HDAC9: variants seen among roughly 807,000 people sequenced by gnomAD.
The protein encoded by HDAC9 is histone deacetylase 9, also known as MEF-2 interacting transcription repressor (MITR) protein.
A neutral mutation model predicts 139.4 loss-of-function variants in HDAC9; 41 were observed. The observed-to-expected ratio is 0.29, with a 90% confidence interval of 0.23 to 0.38. The LOEUF (loss-of-function observed/expected upper bound fraction) is 0.38. Ranked by LOEUF, HDAC9 falls within the 10% of genes least tolerant of loss-of-function variation. The pLI, the probability that HDAC9 is intolerant of heterozygous loss-of-function variation, is 1.00. For missense variants in HDAC9, 1,147 were observed against 1,297.0 expected (o/e 0.88, Z 1.78); for synonymous variants, 517 against 476.2 (o/e 1.09, Z -1.12).
chr7:18,464,784 A>G (rs1252157992), intron 1 of HDAC9, among the ~76,000 whole-genome samples: 3 of 152,014 alleles, frequency 2.0e-5, no homozygotes, highest in East Asian at 1.9e-4. Context: ...TCTCAATCCT[A>G]CATAGAGTGT....
At chr7:18,993,872 A>T (rs76520183) in intron 25 of HDAC9, among the ~76,000 whole-genome samples, 1 of 151,640 alleles carries the variant, frequency 6.6e-6, no homozygotes, top group African/African-American at 2.4e-5. Context: ...AGATGGTTCA[A>T]TAGAAGGTGG....
chr7:18,828,853 T>C (rs1795651886), intron 17 of HDAC9, among the ~76,000 whole-genome samples: 1 of 152,220 alleles, frequency 6.6e-6, no homozygotes, highest in African/African-American at 2.4e-5. Context: ...GAGTTGTTCT[T>C]GAAAATGAAT....
At chr7:18,873,267 C>T (rs6461394) in intron 21 of HDAC9, among the ~76,000 whole-genome samples, 37 of 151,850 alleles carry the variant, frequency 2.4e-4, no homozygotes, top group Admixed American at 3.9e-4. Context: ...GTTTTATGAT[C>T]AGCCAATTCA....
chr7:18,582,631 A>G (rs1828179193), intron 2 of HDAC9, among the ~76,000 whole-genome samples: 1 of 152,150 alleles, frequency 6.6e-6, no homozygotes, highest in African/African-American at 2.4e-5. Flanking sequence ...TTTCTACCAA[A>G]TGGATGCGAC....
intron 1 of HDAC9, among the ~76,000 whole-genome samples, chr7:18,349,022 T>C (rs547183688): frequency 6.6e-6 from 1 of 152,234 alleles, no homozygotes; most frequent in South Asian, 2.1e-4. Flanking sequence ...CCAAGTTCTG[T>C]CCACTATAAG....
At chr7:18,843,322 C>A (rs905053041) in intron 21 of HDAC9, among the ~76,000 whole-genome samples, 15 of 152,002 alleles carry the variant, frequency 9.9e-5, no homozygotes, top group African/African-American at 3.6e-4. Context: ...GAAATGAAAT[C>A]TTTTTATGAA....
chr7:18,388,000 C>T, intron 1 of HDAC9, among the ~76,000 whole-genome samples: 1 of 151,536 alleles, frequency 6.6e-6, no homozygotes, highest in East Asian at 1.9e-4. Context: ...CCAGTGATTT[C>T]TTGTACTTTA....
chr7:18,772,286 G>C (rs754241375), intron 16 of HDAC9, among the ~76,000 whole-genome samples: 1 of 151,992 alleles, frequency 6.6e-6, no homozygotes, highest in Non-Finnish European at 1.5e-5. Flanking sequence ...TCTGACAATT[G>C]CACCAAGCTG....
At chr7:18,979,109 G>A (rs573653490) in intron 25 of HDAC9, among the ~76,000 whole-genome samples, 2 of 152,030 alleles carry the variant, frequency 1.3e-5, no homozygotes, top group Middle Eastern at 3.4e-3. Context: ...TCTCATGAAC[G>A]TGATGGTTTC....
At chr7:18,471,743 G>A (rs1586140460) in intron 1 of HDAC9, among the ~76,000 whole-genome samples, 1 of 152,124 alleles carries the variant, frequency 6.6e-6, no homozygotes, top group Non-Finnish European at 1.5e-5. Flanking sequence ...AAGGGCAAGT[G>A]CCTGTTGTTT....
chr7:18,557,323 T>C (rs898791186), intron 2 of HDAC9, among the ~76,000 whole-genome samples: 3 of 150,436 alleles, frequency 2.0e-5, no homozygotes, highest in African/African-American at 7.3e-5. Context: ...CTTTGACAAC[T>C]TTAAAGCAAT....
chr7:18,491,531 A>C (rs1046801958), upstream of HDAC9, among the ~76,000 whole-genome samples: 4 of 152,010 alleles, frequency 2.6e-5, no homozygotes, highest in Admixed American at 2.6e-4. Flanking sequence ...TGGATCAAAA[A>C]ATTCAGTGGG....
chr7:18,428,378 A>G (rs1430617923), intron 1 of HDAC9, among the ~76,000 whole-genome samples: 2 of 152,196 alleles, frequency 1.3e-5, no homozygotes, highest in Non-Finnish European at 2.9e-5. Context: ...ACTAAGCTAA[A>G]CATCTAATAA....
intron 16 of HDAC9, among the ~76,000 whole-genome samples, chr7:18,776,537 T>C (rs1790781466): frequency 6.6e-6 from 1 of 152,088 alleles, no homozygotes; most frequent in African/African-American, 2.4e-5. Flanking sequence ...CTGGAACTTA[T>C]ATTCCAGTTG....
intron 2 of HDAC9, among the ~76,000 whole-genome samples, chr7:18,255,911 G>A (rs1211429272): frequency 1.3e-5 from 2 of 152,068 alleles, no homozygotes; most frequent in Non-Finnish European, 2.9e-5. Context: ...ATAGGTGTGA[G>A]CCACCATGCC....
chr7:18,258,232 G>A (rs952362047), intron 2 of HDAC9, among the ~76,000 whole-genome samples: 5 of 152,192 alleles, frequency 3.3e-5, no homozygotes, highest in African/African-American at 1.2e-4. Flanking sequence ...ACATTGGGAA[G>A]GGTGTTAGAC....
intron 25 of HDAC9, among the ~76,000 whole-genome samples, chr7:18,988,802 C>T (rs1785606035): frequency 6.6e-6 from 1 of 151,814 alleles, no homozygotes; most frequent in African/African-American, 2.4e-5. Flanking sequence ...GAATTGACCC[C>T]TTTACCATTA....
intron 21 of HDAC9, among the ~76,000 whole-genome samples, chr7:18,861,337 G>C (rs1439490642): frequency 6.6e-6 from 1 of 152,080 alleles, no homozygotes; most frequent in East Asian, 1.9e-4. Flanking sequence ...CTAGATTTCA[G>C]TACAGAGTTT....
chr7:18,223,187 G>GT (rs1370170491), intron 2 of HDAC9, among the ~76,000 whole-genome samples: 1 of 151,970 alleles, frequency 6.6e-6, no homozygotes, highest in Non-Finnish European at 1.5e-5. Context: ...AAGGGTGTTT[G>GT]TTTTTTCTAG....
Sources: gnomAD v4.1 joint callset for allele counts (sites outside exome capture counted in the v4.1 genomes callset) on GRCh38, gnomAD v4.1.1 for gene constraint, MANE v1.5 for transcripts, NCBI Gene and HGNC (gene_info 2026-07-23, HGNC 2026-07-21) for gene names.